RPH3A: variants seen among roughly 807,000 people sequenced by gnomAD.
RPH3A encodes rabphilin 3A, also known as rabphilin-3A.
A neutral mutation model predicts 102.2 loss-of-function variants in RPH3A; 48 were observed. The observed-to-expected ratio is 0.47, with a 90% CI of 0.37 to 0.60. RPH3A has a LOEUF of 0.60. Ranked by LOEUF, RPH3A falls within the 20% of genes least tolerant of loss-of-function variation. The pLI, the probability that RPH3A is intolerant of heterozygous loss-of-function variation, is 0.00. For synonymous variants in RPH3A, 310 were observed against 324.3 expected (o/e 0.96, Z 0.47); for missense variants, 781 against 910.1 (o/e 0.86, Z 1.83).
intron 1 of RPH3A, among the ~76,000 whole-genome samples, chr12:112,595,416 G>A (rs962974594): frequency 6.6e-6 from 1 of 152,170 alleles, no homozygotes; most frequent in South Asian, 2.1e-4. Context: ...GATCCAGAGG[G>A]TATGTAATCA....
chr12:112,597,974 C>T (rs1282179360), intron 1 of RPH3A, among the ~76,000 whole-genome samples: 3 of 152,176 alleles, frequency 2.0e-5, no homozygotes, highest in Non-Finnish European at 4.4e-5. Context: ...GATTCCAGGA[C>T]TACAAACAAC....
chr12:112,750,593 G>C (rs138521162), intron 1 of RPH3A, among the ~76,000 whole-genome samples: 18 of 152,232 alleles, frequency 1.2e-4, no homozygotes, highest in African/African-American at 4.3e-4. Context: ...GGCCAATAGG[G>C]TGCACTGCAA....
chr12:112,776,810 C>G (rs1281927767), intron 1 of RPH3A, among the ~76,000 whole-genome samples: 1 of 126,644 alleles, frequency 7.9e-6, no homozygotes, highest in Non-Finnish European at 1.6e-5. Flanking sequence ...GGAGATGGAG[C>G]TTGCAGTGAG....
intron 1 of RPH3A, among the ~76,000 whole-genome samples, chr12:112,618,375 A>G (rs185891500): frequency 1.1e-3 from 163 of 152,268 alleles, no homozygotes; most frequent in Admixed American, 3.0e-3. Flanking sequence ...TCCTGCTTCA[A>G]TCGCAAGCCC....
intron 2 of RPH3A, among the ~76,000 whole-genome samples, chr12:112,825,508 A>G (rs1690589440): frequency 6.6e-6 from 1 of 151,922 alleles, no homozygotes; most frequent in African/African-American, 2.4e-5. Flanking sequence ...TAAAATAATT[A>G]CTGCAATCTC....
intron 13 of RPH3A, 120 bp downstream of exon 13, chr12:112,876,986 AATAAACATATTAAC>A (rs1247368804): frequency 1.7e-6 from 1 of 588,218 alleles, no homozygotes; most frequent in African/African-American, 1.9e-5. Flanking sequence ...TACCAGACCT[AATAAACATATTAAC>A]CAAGTGATAG....
At chr12:112,841,885 T>G (rs2042153721) in intron 4 of RPH3A, 10 of 455,512 alleles carry the variant, frequency 2.2e-5, no homozygotes, top group South Asian at 1.6e-4. Context: ...AGTTGGTCTC[T>G]CTCTCCTTCT....
intron 4 of RPH3A, among the ~76,000 whole-genome samples, chr12:112,842,689 G>C (rs1466629583): frequency 6.6e-6 from 1 of 152,220 alleles, no homozygotes; most frequent in Non-Finnish European, 1.5e-5. Context: ...CTCACGAAAT[G>C]TGGAGTACGT....
chr12:112,849,041 C>T (rs190921043), intron 5 of RPH3A, among the ~76,000 whole-genome samples: 2 of 152,280 alleles, frequency 1.3e-5, no homozygotes, highest in Admixed American at 6.5e-5. Context: ...CCAGGGGAAG[C>T]CATTGCCAAC....
chr12:112,785,261 G>A (rs898706663), intron 1 of RPH3A, among the ~76,000 whole-genome samples: 1 of 151,290 alleles, frequency 6.6e-6, no homozygotes, highest in Non-Finnish European at 1.5e-5. Flanking sequence ...GCTGCATGGT[G>A]GTTGGCAGAG....
chr12:112,602,143 T>A (rs545404800), intron 1 of RPH3A, among the ~76,000 whole-genome samples: 1 of 152,258 alleles, frequency 6.6e-6, no homozygotes, highest in Admixed American at 6.5e-5. Flanking sequence ...TCTTCACGCC[T>A]TTCAAAATAT....
intron 5 of RPH3A, among the ~76,000 whole-genome samples, chr12:112,861,419 G>A (rs933224459): frequency 7.9e-5 from 12 of 152,192 alleles, no homozygotes; most frequent in African/African-American, 2.9e-4. Context: ...CTTGGTGCTT[G>A]CTAATGATTC....
At chr12:112,715,409 T>G (rs1739105192) in intron 1 of RPH3A, among the ~76,000 whole-genome samples, 1 of 152,166 alleles carries the variant, frequency 6.6e-6, no homozygotes, top group African/African-American at 2.4e-5. Flanking sequence ...CTTATTTATG[T>G]ATTGCCTTTT....
chr12:112,654,359 C>T (rs1592927599), intron 1 of RPH3A, among the ~76,000 whole-genome samples: 1 of 151,872 alleles, frequency 6.6e-6, no homozygotes, highest in African/African-American at 2.4e-5. Context: ...TGTGAATTTT[C>T]TTGGGGATTC....
intron 1 of RPH3A, among the ~76,000 whole-genome samples, chr12:112,735,419 G>T (rs945304418): frequency 6.6e-5 from 10 of 152,302 alleles, no homozygotes; most frequent in African/African-American, 1.9e-4. Flanking sequence ...AAATTAGGTA[G>T]TCTTCTTACC....
intron 18 of RPH3A, among the ~76,000 whole-genome samples, chr12:112,890,426 C>T (rs1249508240): frequency 6.6e-6 from 1 of 152,164 alleles, no homozygotes; most frequent in African/African-American, 2.4e-5. Context: ...CTGAACTAAG[C>T]CTTCATGCTG....
chr12:112,889,253 G>C (rs906228080), intron 17 of RPH3A, among the ~76,000 whole-genome samples: 2 of 152,162 alleles, frequency 1.3e-5, no homozygotes, highest in Non-Finnish European at 2.9e-5. Flanking sequence ...GGGTCTTCAG[G>C]CTTCTCTTCC....
chr12:112,655,051 G>A (rs1036043705), intron 1 of RPH3A, among the ~76,000 whole-genome samples: 1 of 152,204 alleles, frequency 6.6e-6, no homozygotes, highest in Non-Finnish European at 1.5e-5. Context: ...CTCTGGTGGT[G>A]TGTGCTGATT....
chr12:112,756,531 A>G (rs1427411551), intron 1 of RPH3A, among the ~76,000 whole-genome samples: 1 of 152,148 alleles, frequency 6.6e-6, no homozygotes, highest in African/African-American at 2.4e-5. Context: ...TTTTTACCCT[A>G]CTTGCAAGCT....
Sources: allele counts gnomAD v4.1 joint callset (sites outside exome capture counted in the v4.1 genomes callset), GRCh38; gene constraint gnomAD v4.1.1; transcripts MANE v1.5; gene names NCBI Gene and HGNC (gene_info 2026-07-23, HGNC 2026-07-21).